BCKDHB: variants seen among roughly 807,000 people sequenced by gnomAD.
The protein encoded by BCKDHB is 2-oxoisovalerate dehydrogenase subunit beta, mitochondrial.
Under a neutral mutation model 48.5 loss-of-function variants are expected in BCKDHB, and 41 were observed. The ratio of observed to expected loss-of-function variants is 0.85; its 90% confidence interval spans 0.66 to 1.10. The LOEUF is 1.10. Among genes scored for constraint, BCKDHB ranks in the 50% least tolerant of loss-of-function variants. BCKDHB has a pLI of 0.00. For missense variants in BCKDHB, 496 were observed against 494.2 expected, an observed-to-expected ratio of 1.00 and a Z score of -0.03; for synonymous variants, 201 against 174.8, an observed-to-expected ratio of 1.15 and a Z score of -1.18.
the BCKDHB span, among the ~76,000 whole-genome samples, chr6:80,411,437 G>A: frequency 6.6e-6 from 1 of 152,224 alleles, no homozygotes; most frequent in Non-Finnish European, 1.5e-5. Flanking sequence ...ACTTGAGGAG[G>A]CATTCTGTCT....
intron 6 of BCKDHB, among the ~76,000 whole-genome samples, chr6:80,173,459 A>T (rs1430448566): frequency 6.6e-6 from 1 of 152,146 alleles, no homozygotes; most frequent in Non-Finnish European, 1.5e-5. Context: ...TCTTCTCTAG[A>T]TGGTTGTCTA....
the BCKDHB span, among the ~76,000 whole-genome samples, chr6:80,391,623 A>G: frequency 6.6e-6 from 1 of 152,180 alleles, no homozygotes; most frequent in African/African-American, 2.4e-5. Context: ...CCCTTTAACT[A>G]TAAGAGAACA....
intron 3 of BCKDHB, among the ~76,000 whole-genome samples, chr6:80,157,585 C>T (rs1772108212): frequency 6.6e-6 from 1 of 150,824 alleles, no homozygotes. Flanking sequence ...CCTGCCTCAG[C>T]CTCCGAAGTA....
chr6:80,239,777 G>T (rs1042826246), intron 8 of BCKDHB, among the ~76,000 whole-genome samples: 6 of 152,112 alleles, frequency 3.9e-5, no homozygotes, highest in Non-Finnish European at 8.8e-5. Context: ...ATTAATTTTT[G>T]TGTAAGATGT....
intron 1 of BCKDHB, among the ~76,000 whole-genome samples, chr6:80,117,816 G>A (rs977742533): frequency 3.3e-5 from 5 of 152,152 alleles, no homozygotes; most frequent in Admixed American, 6.5e-5. Flanking sequence ...AAATATGTGG[G>A]TAAATCTCTG....
chr6:80,335,791 A>G (rs1201369876), intron 9 of BCKDHB, among the ~76,000 whole-genome samples: 1 of 152,074 alleles, frequency 6.6e-6, no homozygotes, highest in African/African-American at 2.4e-5. Context: ...TGATAGTTCA[A>G]GACTATGCAG....
the BCKDHB span, among the ~76,000 whole-genome samples, chr6:80,355,121 TC>T: frequency 2.0e-5 from 3 of 152,200 alleles, no homozygotes; most frequent in Non-Finnish European, 4.4e-5. Context: ...TATTAGTTAT[TC>T]CAATTCATGG....
At chr6:80,407,704 T>A in the BCKDHB span, among the ~76,000 whole-genome samples, 2 of 152,200 alleles carry the variant, frequency 1.3e-5, no homozygotes, top group African/African-American at 4.8e-5. Flanking sequence ...ACATTGATTT[T>A]GTATCCTGAG....
chr6:80,436,915 A>G, the BCKDHB span, among the ~76,000 whole-genome samples: 1 of 152,164 alleles, frequency 6.6e-6, no homozygotes, highest in Non-Finnish European at 1.5e-5. Context: ...GCTTTGGGAG[A>G]ACAGAATCAT....
intron 9 of BCKDHB, among the ~76,000 whole-genome samples, chr6:80,315,794 G>A (rs751626222): frequency 2.0e-5 from 3 of 151,892 alleles, no homozygotes; most frequent in African/African-American, 2.4e-5. Flanking sequence ...TGTTTCCTTC[G>A]TCTAGAAAAT....
intron 3 of BCKDHB, among the ~76,000 whole-genome samples, chr6:80,151,879 A>G (rs1771802654): frequency 6.6e-6 from 1 of 152,192 alleles, no homozygotes; most frequent in African/African-American, 2.4e-5. Context: ...TGATGTTGGC[A>G]TGCTGTTTTC....
At chr6:80,249,477 TA>T (rs1290928865) in intron 8 of BCKDHB, among the ~76,000 whole-genome samples, 1 of 152,134 alleles carries the variant, frequency 6.6e-6, no homozygotes, top group Non-Finnish European at 1.5e-5. Flanking sequence ...AGATGCAAAT[TA>T]AATTTTGTTT....
chr6:80,181,703 C>T (rs145362926), intron 6 of BCKDHB, among the ~76,000 whole-genome samples: 39 of 152,298 alleles, frequency 2.6e-4, no homozygotes, highest in African/African-American at 8.4e-4. Context: ...GCCCTTGAAG[C>T]ATAGGCTTGG....
chr6:80,130,469 G>A (rs2127729402), intron 3 of BCKDHB, among the ~76,000 whole-genome samples: 1 of 152,208 alleles, frequency 6.6e-6, no homozygotes, highest in African/African-American at 2.4e-5. Flanking sequence ...TTCCAGCTTA[G>A]TCTTTTCTTT....
chr6:80,442,706 G>C, the BCKDHB span, among the ~76,000 whole-genome samples: 7 of 152,130 alleles, frequency 4.6e-5, no homozygotes, highest in African/African-American at 1.4e-4. Context: ...ACACACTCAA[G>C]GCTAAGCTAG....
At position 80,121,120 on chromosome 6, in the gene BCKDHB, A is replaced by T. The variant is rs150164900; in HGVS notation, c.197-6427A>T. On this transcript the variant is annotated intron_variant, in intron 1 of 9. Transcript: ENST00000320393. ...CCCAGCACCATTTATTAAATAGGGA[A>T]TCCTTTCCCCATTTCTTATTTTTGT... Among the ~76,000 whole-genome samples the T allele has an allele frequency of 5.9e-3, 899 of 152,312 alleles. 13 individuals carry two copies. Among genetic ancestry groups the T allele is most frequent in the African/African-American group, 0.021 (869 of 41,542 alleles).
chr6:80,108,135 A>G (rs1299519472), intron 1 of BCKDHB, among the ~76,000 whole-genome samples: 1 of 152,090 alleles, frequency 6.6e-6, no homozygotes, highest in East Asian at 1.9e-4. Flanking sequence ...CAGTTTGACC[A>G]AGATTACACA....
the BCKDHB span, among the ~76,000 whole-genome samples, chr6:80,447,593 A>T: frequency 3.6e-4 from 55 of 152,202 alleles, no homozygotes; most frequent in Middle Eastern, 3.4e-3. Flanking sequence ...TAAATTTCTT[A>T]TGCCTAGCTC....
rs534589796 is a variant in BCKDHB, at chr6:80,208,460, G to A, written c.951+5248G>A. 3.3e-5 allele frequency among the ~76,000 whole-genome samples: 5 copies of A among 151,670 alleles called. No individual in the cohort carries two copies. The South Asian group carries it at 8.3e-4, about 25-fold the overall frequency. The stretch of plus-strand genomic sequence containing the variant: ...ACCTAGAGAAAGTAGAAGAAATGAA[G>A]TAATTAAGAGCAGAAATTACTGAAA... On this transcript the variant is annotated intron_variant, in intron 8 of 9. Coordinates refer to ENST00000320393, the MANE Select transcript of BCKDHB (RefSeq NM_183050.4).
Sources: gnomAD v4.1 joint callset for allele counts (sites outside exome capture counted in the v4.1 genomes callset) on GRCh38, gnomAD v4.1.1 for gene constraint, MANE v1.5 for transcripts, NCBI Gene and HGNC (gene_info 2026-07-23, HGNC 2026-07-21) for gene names.